The following LDB2 variants were observed in gnomAD, a reference collection of about 807,000 sequenced individuals.
LDB2 encodes LIM domain binding 2, also known as LIM domain-binding protein 2.
Under a neutral mutation model 44.3 loss-of-function variants are expected in LDB2, and 12 were observed. That is an observed-to-expected ratio of 0.27 (90% CI 0.17 to 0.44). The LOEUF is 0.44. Among genes scored for constraint, LDB2 ranks in the 20% least tolerant of loss-of-function variants. The probability of loss-of-function intolerance (pLI) is 1.00; values close to 1 mark genes in which losing one functional copy is unlikely to be tolerated. For missense variants in LDB2, 344 were observed against 473.5 expected (o/e 0.73, Z 2.54); for synonymous variants, 164 against 174.8 (o/e 0.94, Z 0.49).
intron 4 of LDB2, 149 bp downstream of exon 4, chr4:16,588,561 G>C: frequency 1.3e-6 from 1 of 752,748 alleles, no homozygotes; most frequent in Non-Finnish European, 2.1e-6. Context: ...TAAAACCGTT[G>C]AGAACAAAAC....
chr4:16,752,749 G>A (rs1221606911), intron 2 of LDB2, among the ~76,000 whole-genome samples: 1 of 152,142 alleles, frequency 6.6e-6, no homozygotes, highest in Non-Finnish European at 1.5e-5. Flanking sequence ...AGAAACTGGG[G>A]TTAAGGTAGT....
intron 2 of LDB2, among the ~76,000 whole-genome samples, chr4:16,667,785 C>T (rs912034031): frequency 3.3e-5 from 5 of 152,160 alleles, no homozygotes; most frequent in Non-Finnish European, 5.9e-5. Flanking sequence ...GTTGAGGGGC[C>T]AGATGTGCCT....
chr4:16,702,397 T>C (rs1217324582), intron 2 of LDB2, among the ~76,000 whole-genome samples: 1 of 152,034 alleles, frequency 6.6e-6, no homozygotes, highest in African/African-American at 2.4e-5. Flanking sequence ...CCCCTCCCAC[T>C]CCCCTAACAG....
intron 5 of LDB2, among the ~76,000 whole-genome samples, chr4:16,532,588 T>G (rs1256858738): frequency 6.6e-6 from 1 of 152,230 alleles, no homozygotes; most frequent in Non-Finnish European, 1.5e-5. Flanking sequence ...TCTTAGAGTC[T>G]GGTACTCTTA....
At chr4:16,542,766 C>T (rs1577523525) in intron 5 of LDB2, among the ~76,000 whole-genome samples, 1 of 151,408 alleles carries the variant, frequency 6.6e-6, no homozygotes, top group South Asian at 2.1e-4. Context: ...TTTACTTGTG[C>T]CTTCGTTTTG....
At chr4:16,897,386 A>T (rs1725333100) in intron 1 of LDB2, among the ~76,000 whole-genome samples, 2 of 152,138 alleles carry the variant, frequency 1.3e-5, no homozygotes, top group African/African-American at 4.8e-5. Flanking sequence ...TTTTCCGAAC[A>T]CTTCCACACA....
intron 1 of LDB2, among the ~76,000 whole-genome samples, chr4:16,884,192 C>T (rs910150108): frequency 2.0e-4 from 31 of 152,304 alleles, no homozygotes; most frequent in African/African-American, 6.7e-4. Flanking sequence ...CAATAGTAGA[C>T]GCTAATACTG....
At chr4:16,840,570 T>C (rs1315677766) in intron 1 of LDB2, among the ~76,000 whole-genome samples, 1 of 152,182 alleles carries the variant, frequency 6.6e-6, no homozygotes, top group African/African-American at 2.4e-5. Context: ...TCGTTTGGGA[T>C]CACTTGAGTG....
chr4:16,694,753 T>C (rs1434382743), intron 2 of LDB2, among the ~76,000 whole-genome samples: 6 of 152,236 alleles, frequency 3.9e-5, no homozygotes, highest in Admixed American at 2.6e-4. Context: ...TCTACCACCA[T>C]GTACTCGTCG....
rs1318229052 is a variant in LDB2 at position 16,501,823 on chromosome 4, A to G, written c.*820T>C. The G allele has an allele frequency of 6.6e-6, 1 of 152,620 alleles. No homozygotes were observed. Among genetic ancestry groups the G allele is most frequent in the Admixed American group, 6.5e-5 (1 of 15,278 alleles). 9.5% of individuals were successfully genotyped at this position (152,620 alleles called of 1,614,324 possible). Reference sequence around the variant, plus strand: ...ATGGTCAACTCAGGTACAATTAGAAAACACACAAAGGTTCAGGTTTATTAA... The same window carrying G: ...ATGGTCAACTCAGGTACAATTAGAAGACACACAAAGGTTCAGGTTTATTAA... On this transcript the variant is annotated 3_prime_UTR_variant, in exon 8 of 8. Transcript: ENST00000304523.
chr4:16,693,299 G>T (rs1428221089), intron 2 of LDB2, among the ~76,000 whole-genome samples: 2 of 151,848 alleles, frequency 1.3e-5, no homozygotes, highest in East Asian at 3.9e-4. Context: ...TCTTCTGACA[G>T]GGTTATGCCC....
In LDB2 at chr4:16,898,569, A is replaced by C; in HGVS notation, c.-84T>G. ...CATGGGCTGTGTTCTTCCCAGTACAAAGTAGACGCACGCACACACGCTCAC... is the reference window on the plus strand; with the variant it reads ...CATGGGCTGTGTTCTTCCCAGTACACAGTAGACGCACGCACACACGCTCAC... On this transcript the variant is annotated 5_prime_UTR_variant, in exon 1 of 8. Coordinates refer to ENST00000304523, the MANE Select transcript of LDB2 (RefSeq NM_001290.5). The C allele has an allele frequency of 7.1e-7, 1 of 1,409,182 alleles. No individual in the cohort carries two copies. Among genetic ancestry groups the C allele is most frequent in the Non-Finnish European group, 9.8e-7 (1 of 1,019,176 alleles). The allele number at this position is 1,409,182 out of a possible 1,614,324, so 87.3% of individuals were successfully genotyped here.
intron 2 of LDB2, among the ~76,000 whole-genome samples, chr4:16,691,650 A>G (rs1337562440): frequency 6.6e-6 from 1 of 152,186 alleles, no homozygotes; most frequent in East Asian, 1.9e-4. Flanking sequence ...TGTGAGATCA[A>G]TCTCAACTTG....
chr4:16,539,103 A>T (rs1315377896), intron 5 of LDB2, among the ~76,000 whole-genome samples: 1 of 152,132 alleles, frequency 6.6e-6, no homozygotes, highest in African/African-American at 2.4e-5. Context: ...TTCACACAAG[A>T]GATATGTATG....
At chr4:16,657,896 A>G (rs1013298502) in intron 2 of LDB2, among the ~76,000 whole-genome samples, 1 of 152,358 alleles carries the variant, frequency 6.6e-6, no homozygotes, top group Non-Finnish European at 1.5e-5. Context: ...GAGAAGCCAC[A>G]TATTTTAAAA....
chr4:16,792,016 T>G (rs1012536025), intron 1 of LDB2, among the ~76,000 whole-genome samples: 2 of 152,214 alleles, frequency 1.3e-5, no homozygotes, highest in African/African-American at 4.8e-5. Context: ...CTCTCAATTT[T>G]GAAGGAGAGG....
At chr4:16,518,167 G>A (rs1724566954) in intron 5 of LDB2, among the ~76,000 whole-genome samples, 1 of 152,186 alleles carries the variant, frequency 6.6e-6, no homozygotes, top group Non-Finnish European at 1.5e-5. Flanking sequence ...AATGTAGACA[G>A]TGCAGTGTTT....
At chr4:16,893,639 T>C (rs1192495905) in intron 1 of LDB2, among the ~76,000 whole-genome samples, 1 of 152,076 alleles carries the variant, frequency 6.6e-6, no homozygotes, top group Non-Finnish European at 1.5e-5. Context: ...AACTAAAAAC[T>C]GTAATTCTAT....
At chr4:16,685,855 C>A (rs1023955831) in intron 2 of LDB2, among the ~76,000 whole-genome samples, 1 of 152,076 alleles carries the variant, frequency 6.6e-6, no homozygotes, top group Non-Finnish European at 1.5e-5. Context: ...TCGCAACCAG[C>A]CTAGCCAACA....
Sources: gnomAD v4.1 joint callset for allele counts (sites outside exome capture counted in the v4.1 genomes callset) on GRCh38, gnomAD v4.1.1 for gene constraint, MANE v1.5 for transcripts, NCBI Gene and HGNC (gene_info 2026-07-23, HGNC 2026-07-21) for gene names.